RPS6KA1: variants seen among roughly 807,000 people sequenced by gnomAD.
RPS6KA1 encodes the protein ribosomal protein S6 kinase alpha-1.
A neutral mutation model predicts 91.3 loss-of-function variants in RPS6KA1; 48 were observed. That is an observed-to-expected ratio of 0.53 (90% confidence interval 0.42 to 0.67). The LOEUF (loss-of-function observed/expected upper bound fraction) is 0.67. RPS6KA1 is among the 30% of genes least tolerant of loss of function. RPS6KA1 has a pLI of 0.00. For synonymous variants in RPS6KA1, 359 were observed against 384.7 expected (o/e 0.93, Z 0.78); for missense variants, 719 against 960.5 (o/e 0.75, Z 3.32).
chr1:26,572,706 G>A (rs1364264472), intron 20 of RPS6KA1, among the ~76,000 whole-genome samples: 2 of 152,172 alleles, frequency 1.3e-5, no homozygotes, highest in Non-Finnish European at 2.9e-5. Flanking sequence ...GAGCCTCCTC[G>A]GAGGAAGTAG....
chr1:26,546,241 G>A (rs1419560717), intron 2 of RPS6KA1, among the ~76,000 whole-genome samples: 1 of 152,224 alleles, frequency 6.6e-6, no homozygotes, highest in East Asian at 1.9e-4. Flanking sequence ...TGGAGGGAGG[G>A]TAGAGTCCTG....
At chr1:26,560,167 A>AG (rs1164646125) in intron 14 of RPS6KA1, among the ~76,000 whole-genome samples, 1 of 152,262 alleles carries the variant, frequency 6.6e-6, no homozygotes, top group Non-Finnish European at 1.5e-5. Flanking sequence ...ACTGGATGCA[A>AG]GGACCGCATG....
intron 17 of RPS6KA1, among the ~76,000 whole-genome samples, chr1:26,562,786 A>G (rs74062515): frequency 0.016 from 2,365 of 148,664 alleles, 60 homozygotes; most frequent in African/African-American, 0.056. Flanking sequence ...TTGTTTTCAC[A>G]TAGTACCCAG....
At position 26,554,816 on chromosome 1, in the gene RPS6KA1, G is replaced by C; in HGVS notation, c.756+78G>C. On this transcript the variant is annotated intron_variant, in intron 9 of 21. Coordinates refer to ENST00000374168, the MANE Select transcript of RPS6KA1 (RefSeq NM_002953.4). This position sits in a 1 kb window ranked among gnomAD's most constrained non-coding sequence, Gnocchi z 4.6. ...TCCCTATCTGTACAGTGAGGGGGTT[G>C]ATCATTTCTAGGGCTCTCCCCGTCT... 6.6e-7 allele frequency: 1 copy of C among 1,504,516 alleles called. No homozygotes were observed. The highest frequency in any genetic ancestry group is 9.0e-7 in the Non-Finnish European group (1 of 1,115,704). 93.2% of individuals were successfully genotyped at this position (1,504,516 alleles called of 1,614,324 possible).
intron 7 of RPS6KA1, 85 bp downstream of exon 7, chr1:26,553,582 C>A: frequency 3.8e-6 from 3 of 798,648 alleles, no homozygotes; most frequent in South Asian, 1.7e-5. Flanking sequence ...GTGGGCATGG[C>A]TTTCTCCAGA....
At chr1:26,566,815 A>G (rs383913) in intron 17 of RPS6KA1, among the ~76,000 whole-genome samples, 54,876 of 151,900 alleles carry the variant, frequency 0.36, 10,966 homozygotes, top group East Asian at 0.76. Context: ...CTATAAGGTT[A>G]TGGACTCTAT....
chr1:26,555,975 C>A lies in RPS6KA1; in HGVS notation c.916+350C>A, dbSNP rs1376329917. 1 of 379,994 alleles carries A rather than the reference C, an allele frequency of 2.6e-6. No individual in the cohort carries two copies. The highest frequency in any genetic ancestry group is 4.9e-6 in the Non-Finnish European group (1 of 203,138). 23.5% of individuals were successfully genotyped at this position (379,994 alleles called of 1,614,324 possible). On this transcript the variant is annotated intron_variant, in intron 11 of 21. Transcript: ENST00000374168. This position sits in a 1 kb window ranked among gnomAD's most constrained non-coding sequence, Gnocchi z 4.3. ...CCGGCTCTGTGTCAGGTCCCCACTG[C>A]CTGGCACAAAACAGTCCCTCTATAA...
At chr1:26,563,947 A>AC (rs772288844) in intron 17 of RPS6KA1, among the ~76,000 whole-genome samples, 6 of 151,888 alleles carry the variant, frequency 4.0e-5, no homozygotes, top group Non-Finnish European at 8.8e-5. Context: ...ATATGATGAA[A>AC]CCCCATCTCT....
chr1:26,564,828 A>G (rs921363597), intron 17 of RPS6KA1, among the ~76,000 whole-genome samples: 1 of 152,244 alleles, frequency 6.6e-6, no homozygotes, highest in African/African-American at 2.4e-5. Flanking sequence ...TGCCAGTGCA[A>G]TAGACTAATA....
At chr1:26,556,974 C>CAG (rs1242967632) in intron 12 of RPS6KA1, 24 bp from the exon 13 acceptor site, 1 of 1,583,988 alleles carries the variant, frequency 6.3e-7, no homozygotes, top group Middle Eastern at 1.7e-4. Flanking sequence ...CCATGGTGAC[C>CAG]AGAGTGCCCA....
rs2075939670 is a variant in RPS6KA1, at chr1:26,540,565, T to C, written c.108+3596T>C. ...CTTGATTATGGCTGTCTCAGGATAG[T>C]TGTGGTTTTTTGGTTTTGTTTTTGT... On this transcript the variant is annotated intron_variant, in intron 2 of 21. Coordinates refer to ENST00000374168, the MANE Select transcript of RPS6KA1 (RefSeq NM_002953.4). This position sits in a 1 kb window ranked among gnomAD's most constrained non-coding sequence, Gnocchi z 4.2. Among the ~76,000 whole-genome samples, 1 of 152,164 alleles carries C rather than the reference T, an allele frequency of 6.6e-6. No individual in the cohort carries two copies. The highest frequency in any genetic ancestry group is 6.5e-5 in the Admixed American group (1 of 15,286).
intron 4 of RPS6KA1, among the ~76,000 whole-genome samples, chr1:26,548,587 C>T (rs2076017720): frequency 6.6e-6 from 1 of 152,046 alleles, no homozygotes; most frequent in Non-Finnish European, 1.5e-5. Context: ...CACTTGAGGT[C>T]AAGAGTTCGA....
At position 26,554,996 on chromosome 1, in the gene RPS6KA1, C is replaced by T. The variant is rs1340674593; in HGVS notation, c.757-155C>T. Among the ~76,000 whole-genome samples, 1 of 152,196 alleles carries T rather than the reference C, an allele frequency of 6.6e-6. No homozygotes were observed. The highest frequency in any genetic ancestry group is 6.5e-5 in the Admixed American group (1 of 15,278). On this transcript the variant is annotated intron_variant, in intron 9 of 21. Transcript: ENST00000374168. The surrounding 1 kb of genome is among the most constrained non-coding windows in gnomAD (Gnocchi z 4.6). ...CCGCTGCTCCTGGTGGTCTGGTTGGCAGAGGCAAGAGGGACGGGCATAATT... is the reference window on the plus strand; with the variant it reads ...CCGCTGCTCCTGGTGGTCTGGTTGGTAGAGGCAAGAGGGACGGGCATAATT...
chr1:26,554,355 G>A lies in RPS6KA1; in HGVS notation c.613+104G>A. ...GGGCTCATTCTTCCCGAGAAGCCGT[G>A]CCAGTTACTTGGAAGTGGTCAAAAA... On this transcript the variant is annotated intron_variant, in intron 8 of 21. Transcript: ENST00000374168. The surrounding 1 kb of genome is among the most constrained non-coding windows in gnomAD (Gnocchi z 4.6). 1.5e-6 allele frequency: 2 copies of A among 1,306,872 alleles called. No homozygotes were observed. Among genetic ancestry groups the A allele is most frequent in the South Asian group, 2.8e-5 (2 of 72,618 alleles). 81.0% of individuals were successfully genotyped at this position (1,306,872 alleles called of 1,614,324 possible). A position where few individuals can be genotyped will look rare whatever the true frequency, so the allele number is the denominator to read the frequency against.
rs1191100219 is a variant in RPS6KA1 at position 26,546,980 on chromosome 1, C to T, written c.222C>T (p.Gly74=). The T allele has an allele frequency of 6.2e-7, 1 of 1,612,314 alleles. No individual in the cohort carries two copies. The highest frequency in any genetic ancestry group is 8.5e-7 in the Non-Finnish European group (1 of 1,178,432). ...AGGTTCTGGGCCAGGGATCCTTTGG[C>T]AAAGTGAGTCATGAGCCCATAGCTG... ...LLKVLGQGSF[G]KVFLVRKVTR... The change falls in exon 3 of 22, where the codon GGC becomes GGT. Residue 74 remains glycine, a synonymous_variant. Coordinates refer to ENST00000374168, the MANE Select transcript of RPS6KA1 (RefSeq NM_002953.4).
intron 1 of RPS6KA1, among the ~76,000 whole-genome samples, chr1:26,535,835 C>G (rs2075902113): frequency 6.6e-6 from 1 of 152,080 alleles, no homozygotes; most frequent in African/African-American, 2.4e-5. Context: ...GCCTACCTCC[C>G]AGGGCTGTCA....
At chr1:26,539,840 C>G (rs1038305386) in intron 2 of RPS6KA1, among the ~76,000 whole-genome samples, 1 of 152,188 alleles carries the variant, frequency 6.6e-6, no homozygotes, top group South Asian at 2.1e-4. Context: ...ATCCCAGGCC[C>G]CCTCCCCCAG....
chr1:26,547,956 G>T lies in RPS6KA1; in HGVS notation c.307+686G>T, dbSNP rs970031023. Among the ~76,000 whole-genome samples the T allele has an allele frequency of 6.6e-6, 1 of 152,116 alleles. No homozygotes were observed. Among genetic ancestry groups the T allele is most frequent in the Non-Finnish European group, 1.5e-5 (1 of 68,024 alleles). ...AGGCTGAGGTGGGCGGGTCATTTGA[G>T]GTCAGGAGTTCAAGACCTGACCAAC... On this transcript the variant is annotated intron_variant, in intron 4 of 21. Transcript: ENST00000374168. The surrounding 1 kb of genome is among the most constrained non-coding windows in gnomAD (Gnocchi z 4.1).
In RPS6KA1 at chr1:26,549,901, C is replaced by T. The variant is rs140745855; in HGVS notation, c.308-1496C>T. 1.6e-3 allele frequency among the ~76,000 whole-genome samples: 238 copies of T among 149,128 alleles called. 1 individual carries two copies. The highest frequency in any genetic ancestry group is 3.9e-3 in the African/African-American group (157 of 40,462). On this transcript the variant is annotated intron_variant, in intron 4 of 21. Transcript: ENST00000374168. ...ATATATATTTTTTTCTTTTTTGAGACGGAGTTTCACTCTCGTTGCCCAGAC... is the reference window on the plus strand; with the variant it reads ...ATATATATTTTTTTCTTTTTTGAGATGGAGTTTCACTCTCGTTGCCCAGAC...
Sources: gnomAD v4.1 joint callset for allele counts (sites outside exome capture counted in the v4.1 genomes callset) on GRCh38, gnomAD v4.1.1 for gene constraint, Gnocchi (gnomAD v3.1) non-coding constraint, MANE v1.5 for transcripts, NCBI Gene and HGNC (gene_info 2026-07-23, HGNC 2026-07-21) for gene names.